HBB: variants seen among roughly 807,000 people sequenced by gnomAD.
HBB encodes hemoglobin subunit beta.
In HBB, 18 loss-of-function variants were observed where a neutral mutation model predicts 9.7. That is an observed-to-expected ratio of 1.86 (90% CI 1.28 to 2.76). HBB has a LOEUF of 2.76. HBB is among the 30% of genes most tolerant of loss of function. The pLI, the probability that HBB is intolerant of heterozygous loss-of-function variation, is 0.00. For synonymous variants in HBB, 99 were observed against 73.6 expected (o/e 1.35, Z -1.77); for missense variants, 156 against 177.0 (o/e 0.88, Z 0.67).
chr11:5,225,531 C>A lies in HBB; in HGVS notation c.*67G>T, dbSNP rs1554917441. On this transcript the variant is annotated 3_prime_UTR_variant, in exon 3 of 3. Coordinates refer to ENST00000335295, the MANE Select transcript of HBB (RefSeq NM_000518.5). Reference sequence around the variant, plus strand: ...GCTCAAGGCCCTTCATAATATCCCCCAGTTTAGTAGTTGGACTTAGGGAAC... The same window carrying A: ...GCTCAAGGCCCTTCATAATATCCCCAAGTTTAGTAGTTGGACTTAGGGAAC... 2.0e-6 allele frequency: 3 copies of A among 1,483,890 alleles called. No homozygotes were observed. The highest frequency in any genetic ancestry group is 2.8e-6 in the Non-Finnish European group (3 of 1,061,130). The allele number at this position is 1,483,890 out of a possible 1,614,324, so 91.9% of individuals were successfully genotyped here. A position where few individuals can be genotyped will look rare whatever the true frequency, so the allele number is the denominator to read the frequency against.
chr11:5,227,016 C>A lies in HBB; in HGVS notation c.6G>T (p.Val2=), dbSNP rs1349384278. 4.4e-6 allele frequency: 7 copies of A among 1,597,322 alleles called. No homozygotes were observed. The highest frequency in any genetic ancestry group is 6.0e-6 in the Non-Finnish European group (7 of 1,164,618). M[V]HLTPEEKSAV... is the part of the protein sequence containing the mutation. ...CAGACTTCTCCTCAGGAGTCAGATG[C>A]ACCATGGTGTCTGTTTGAGGTTGCT... Residue 2 remains valine (V), a synonymous_variant, in exon 1 of 3, where the codon GTG becomes GTT. Transcript: ENST00000335295.
At chr11:5,226,872 T>G (rs1847576487) in intron 1 of HBB, 58 bp downstream of exon 1, 1 of 1,590,868 alleles carries the variant, frequency 6.3e-7, no homozygotes. Context: ...CTTCTCTGTC[T>G]CCACATGCCC....
chr11:5,226,406 T>C lies in HBB; in HGVS notation c.315+171A>G, dbSNP rs996301151. 2.7e-5 allele frequency: 18 copies of C among 671,038 alleles called. No homozygotes were observed. The African/African-American group carries it at 2.9e-4, about 11-fold the overall frequency. 41.6% of individuals were successfully genotyped at this position (671,038 alleles called of 1,614,324 possible). Reference sequence around the variant, plus strand: ...GAATTAAACAAAAGAAAACAATTGTTATGAACAGCAAATAAAAGAAACTAA... The same window carrying C: ...GAATTAAACAAAAGAAAACAATTGTCATGAACAGCAAATAAAAGAAACTAA... On this transcript the variant is annotated intron_variant, in intron 2 of 2. Transcript: ENST00000335295.
rs63750840 is a variant in HBB at position 5,226,962 on chromosome 11, G to A, written c.60C>T (p.Asn20=). ...GGGCCTCACCACCAACTTCATCCACGTTCACCTTGCCCCACAGGGCAGTAA... is the reference window on the plus strand; with the variant it reads ...GGGCCTCACCACCAACTTCATCCACATTCACCTTGCCCCACAGGGCAGTAA... ...SAVTALWGKV[N]VDEVGGEALG... is the part of the protein sequence containing the mutation. The change falls in exon 1 of 3, where the codon AAC becomes AAT. Residue 20 remains asparagine (N), a synonymous_variant. Coordinates refer to ENST00000335295, the MANE Select transcript of HBB (RefSeq NM_000518.5). 1.2e-5 allele frequency: 19 copies of A among 1,613,666 alleles called. No individual in the cohort carries two copies. The highest frequency in any genetic ancestry group is 1.6e-4 in the Middle Eastern group (1 of 6,080).
rs1310721664 is a variant in HBB at position 5,225,711 on chromosome 11, G to C, written c.331C>G (p.Leu111Val). The change falls in exon 3 of 3, where the codon CTG (leucine) becomes GTG (valine). Residue 111 changes from leucine to valine, a missense_variant. Leu to Val is a conservative substitution (Grantham distance 32). Coordinates refer to ENST00000335295, the MANE Select transcript of HBB (RefSeq NM_000518.5). The part of the protein sequence containing the change: ...PENFRLLGNV[L>V]VCVLAHHFGK... ...AAGTGATGGGCCAGCACACAGACCA[G>C]CACGTTGCCCAGGAGCTGTGGGAGG... 6.2e-7 allele frequency: 1 copy of C among 1,613,954 alleles called. No individual in the cohort carries two copies. Among genetic ancestry groups the C allele is most frequent in the Admixed American group, 1.7e-5 (1 of 59,996 alleles).
Position 5,227,063 on chromosome 11 carries a change from A to C in HBB, c.-42T>G. The C allele has an allele frequency of 7.9e-7, 1 of 1,265,244 alleles. No homozygotes were observed. The highest frequency in any genetic ancestry group is 1.2e-6 in the Non-Finnish European group (1 of 860,626). The allele number at this position is 1,265,244 out of a possible 1,614,324, so 78.4% of individuals were successfully genotyped here. On this transcript the variant is annotated 5_prime_UTR_variant, in exon 1 of 3. Transcript: ENST00000335295. The stretch of plus-strand genomic sequence containing the variant: ...TGCTAGTGAACACAGTTGTGTCAGA[A>C]GCAAATGTAAGCAATAGATGGCTCT...
Position 5,226,688 on chromosome 11 carries a change from C to G in HBB, c.204G>C (p.Val68=). Residue 68 remains valine, a synonymous_variant, in exon 2 of 3, where the codon GTG becomes GTC. Transcript: ENST00000335295. ...NPKVKAHGKK[V]LGAFSDGLAH... is the part of the protein sequence containing the mutation. ...CCAGGCCATCACTAAAGGCACCGAG[C>G]ACTTTCTTGCCATGAGCCTTCACCT... 6.2e-7 allele frequency: 1 copy of G among 1,614,132 alleles called. No individual in the cohort carries two copies. The highest frequency in any genetic ancestry group is 8.5e-7 in the Non-Finnish European group (1 of 1,180,032).
In HBB at chr11:5,227,003, CAG is replaced by C. The variant is rs34889882; in HGVS notation, c.17_18del (p.Pro6ArgfsTer17). 2.4e-5 allele frequency: 38 copies of C among 1,611,036 alleles called. 2 individuals carry two copies. The highest frequency in any genetic ancestry group is 3.3e-4 in the Middle Eastern group (2 of 6,054). MVHLT[P>X]EEKSAVTALW... ...AGGGCAGTAACGGCAGACTTCTCCT[CAG>C]GAGTCAGATGCACCATGGTGTCTGT... On this transcript the variant is annotated frameshift_variant, in exon 1 of 3. Transcript: ENST00000335295. LOFTEE classifies it high-confidence loss of function.
At position 5,226,449 on chromosome 11, in the gene HBB, C is replaced by G; in HGVS notation, c.315+128G>C. 2 of 842,754 alleles carry G rather than the reference C, an allele frequency of 2.4e-6. No homozygotes were observed. Among genetic ancestry groups the G allele is most frequent in the Non-Finnish European group, 4.0e-6 (2 of 500,374 alleles). The allele number at this position is 842,754 out of a possible 1,614,324, so 52.2% of individuals were successfully genotyped here. ...GAAACTAAAACGATCCTGAGACTTC[C>G]ACACTGATGCAATCATTCGTCTGTT... On this transcript the variant is annotated intron_variant, in intron 2 of 2. Coordinates refer to ENST00000335295, the MANE Select transcript of HBB (RefSeq NM_000518.5).
At position 5,225,576 on chromosome 11, in the gene HBB, AT is replaced by A; in HGVS notation, c.*21del. 1 of 1,613,884 alleles carries A rather than the reference AT, an allele frequency of 6.2e-7. No individual in the cohort carries two copies. Among genetic ancestry groups the A allele is most frequent in the Non-Finnish European group, 8.5e-7 (1 of 1,179,762 alleles). On this transcript the variant is annotated 3_prime_UTR_variant, in exon 3 of 3. Transcript: ENST00000335295. ...GGGAACAAAGGAACCTTTAATAGAA[AT>A]TGGACAGCAAGAAAGCGAGCTTAGT... is the stretch of plus-strand genomic sequence containing the variant.
chr11:5,225,999 TGAAA>T lies in HBB; in HGVS notation c.316-277_316-274del, dbSNP rs1847538379. 6.6e-6 allele frequency among the ~76,000 whole-genome samples: 1 copy of T among 152,026 alleles called. No individual in the cohort carries two copies. Among genetic ancestry groups the T allele is most frequent in the African/African-American group, 2.4e-5 (1 of 41,376 alleles). On this transcript the variant is annotated intron_variant, in intron 2 of 2. Transcript: ENST00000335295. ...ATGATACATTGTATCATTATTGCCC[TGAAA>T]GAAAGAGATTAGGGAAAGTATTAGA... is the stretch of plus-strand genomic sequence containing the variant.
rs747900373 is a variant in HBB, at chr11:5,226,607, G to A, written c.285C>T (p.Asp95=). Residue 95 remains aspartate (D), a synonymous_variant, in exon 2 of 3, where the codon GAC becomes GAT. Transcript: ENST00000335295. ...TFATLSELHC[D]KLHVDPENFR... Reference sequence around the variant, plus strand: ...AGTTCTCAGGATCCACGTGCAGCTTGTCACAGTGCAGCTCACTCAGTGTGG... The same window carrying A: ...AGTTCTCAGGATCCACGTGCAGCTTATCACAGTGCAGCTCACTCAGTGTGG... The A allele has an allele frequency of 1.2e-6, 2 of 1,614,034 alleles. No homozygotes were observed. Among genetic ancestry groups the A allele is most frequent in the East Asian group, 2.2e-5 (1 of 44,872 alleles).
Position 5,227,050 on chromosome 11 carries a change from C to G in HBB, c.-29G>C. 1 of 1,424,332 alleles carries G rather than the reference C, an allele frequency of 7.0e-7. No individual in the cohort carries two copies. The highest frequency in any genetic ancestry group is 9.9e-7 in the Non-Finnish European group (1 of 1,005,976). The allele number at this position is 1,424,332 out of a possible 1,614,324, so 88.2% of individuals were successfully genotyped here. ...GTCTGTTTGAGGTTGCTAGTGAACA[C>G]AGTTGTGTCAGAAGCAAATGTAAGC... On this transcript the variant is annotated 5_prime_UTR_variant, in exon 1 of 3. Transcript: ENST00000335295.
At position 5,226,756 on chromosome 11, in the gene HBB, AG is replaced by A. The variant is rs80356820; in HGVS notation, c.135del (p.Phe46LeufsTer16). The A allele has an allele frequency of 5.6e-6, 9 of 1,614,142 alleles. No homozygotes were observed. The Middle Eastern group carries it at 4.9e-4, about 89-fold the overall frequency. ...GCATCAGGAGTGGACAGATCCCCAAAGGACTCAAAGAACCTCTGGGTCCAAG... is the reference window on the plus strand; with the variant it reads ...GCATCAGGAGTGGACAGATCCCCAAAGACTCAAAGAACCTCTGGGTCCAAG... ...VYPWTQRFFE[S>X]FGDLSTPDAV... On this transcript the variant is annotated frameshift_variant, in exon 2 of 3. Coordinates refer to ENST00000335295, the MANE Select transcript of HBB (RefSeq NM_000518.5). LOFTEE classifies it high-confidence loss of function.
At position 5,225,660 on chromosome 11, in the gene HBB, G is replaced by A. The variant is rs33971634; in HGVS notation, c.382C>T (p.Gln128Ter). 1 of 1,613,864 alleles carries A rather than the reference G, an allele frequency of 6.2e-7. No homozygotes were observed. Among genetic ancestry groups the A allele is most frequent in the Admixed American group, 1.7e-5 (1 of 60,004 alleles). ...GCCACCACTTTCTGATAGGCAGCCT[G>A]CACTGGTGGGGTGAATTCTTTGCCA... ...HFGKEFTPPV[Q>*]AAYQKVVAGV... The change falls in exon 3 of 3, where the codon CAG becomes TAG. Residue 128 changes from glutamine (Q) to a stop codon, truncating the protein, a stop_gained. Coordinates refer to ENST00000335295, the MANE Select transcript of HBB (RefSeq NM_000518.5). LOFTEE classifies it high-confidence loss of function.
chr11:5,226,706 C>T lies in HBB; in HGVS notation c.186G>A (p.Lys62=). The stretch of plus-strand genomic sequence containing the variant: ...CACCGAGCACTTTCTTGCCATGAGC[C>T]TTCACCTTAGGGTTGCCCATAACAG... ...PDAVMGNPKV[K]AHGKKVLGAF... The change falls in exon 2 of 3, where the codon AAG becomes AAA. Residue 62 remains lysine, a synonymous_variant. Transcript: ENST00000335295. The T allele has an allele frequency of 1.2e-6, 2 of 1,614,114 alleles. No individual in the cohort carries two copies. Among genetic ancestry groups the T allele is most frequent in the Non-Finnish European group, 8.5e-7 (1 of 1,180,020 alleles).
At chr11:5,226,435 G>T in intron 2 of HBB, 142 bp downstream of exon 2, 1 of 763,864 alleles carries the variant, frequency 1.3e-6, no homozygotes, top group Non-Finnish European at 2.2e-6. Context: ...AAACTAAAAC[G>T]ATCCTGAGAC....
chr11:5,225,768 G>A lies in HBB; in HGVS notation c.316-42C>T, dbSNP rs761649200. 10 of 1,610,934 alleles carry A rather than the reference G, an allele frequency of 6.2e-6. No homozygotes were observed. The East Asian group carries it at 2.0e-4, about 32-fold the overall frequency. ...AGAGGTATGAACATGATTAGCAAAA[G>A]GGCCTAGCTTGGACTCAGAATAATC... On this transcript the variant is annotated intron_variant, in intron 2 of 2. Transcript: ENST00000335295.
chr11:5,225,466 G>T lies in HBB; in HGVS notation c.*132C>A, dbSNP rs1420779550. 15 of 850,534 alleles carry T rather than the reference G, an allele frequency of 1.8e-5. No homozygotes were observed. In the Admixed American group the frequency reaches 2.6e-4, roughly 15 times the overall value. 52.7% of individuals were successfully genotyped at this position (850,534 alleles called of 1,614,324 possible). A position where few individuals can be genotyped will look rare whatever the true frequency, so the allele number is the denominator to read the frequency against. ...TCAGAAATAATTTAAATACATCATT[G>T]CAATGAAAATAAATGTTTTTTATTA... On this transcript the variant is annotated 3_prime_UTR_variant, in exon 3 of 3. Transcript: ENST00000335295.
Sources: gnomAD v4.1 joint callset for allele counts (sites outside exome capture counted in the v4.1 genomes callset) on GRCh38, gnomAD v4.1.1 for gene constraint, MANE v1.5 for transcripts, NCBI Gene and HGNC (gene_info 2026-07-23, HGNC 2026-07-21) for gene names.